The following TEX14 variants were observed in gnomAD, a reference collection of about 807,000 sequenced individuals.
TEX14 encodes the protein testis expressed 14, intercellular bridge forming factor, also known as inactive serine/threonine-protein kinase TEX14.
Under a neutral mutation model 178.6 loss-of-function variants are expected in TEX14, and 168 were observed. That is an observed-to-expected ratio of 0.94 (90% CI 0.83 to 1.07). The LOEUF is 1.07. Ranked by LOEUF, TEX14 falls within the 50% of genes least tolerant of loss-of-function variation. TEX14 has a pLI of 0.00. For missense variants in TEX14, 1,730 were observed against 1,753.6 expected, an observed-to-expected ratio of 0.99 and a Z score of 0.24; for synonymous variants, 626 against 634.1, an observed-to-expected ratio of 0.99 and a Z score of 0.19.
chr17:58,565,687 T>C, intron 27 of TEX14, 60 bp downstream of exon 27: 2 of 1,266,910 alleles, frequency 1.6e-6, no homozygotes, highest in Non-Finnish European at 1.1e-6. Context: ...TATGTACCAC[T>C]GTGTTGCCAA....
intron 19 of TEX14, among the ~76,000 whole-genome samples, chr17:58,584,051 G>A (rs2044890471): frequency 6.6e-6 from 1 of 152,228 alleles, no homozygotes; most frequent in Non-Finnish European, 1.5e-5. Context: ...CTGCTGAGGT[G>A]CAGTTGTCAG....
rs536669183 is a variant in TEX14 at position 58,659,275 on chromosome 17, C to T, written c.-1-7273G>A. The T allele has an allele frequency of 5.9e-5, 53 of 896,334 alleles. No individual in the cohort carries two copies. The Admixed American group carries it at 1.1e-3, about 19-fold the overall frequency. 55.5% of individuals were successfully genotyped at this position (896,334 alleles called of 1,614,324 possible). A position where few individuals can be genotyped will look rare whatever the true frequency, so the allele number is the denominator to read the frequency against. On this transcript the variant is annotated intron_variant, in intron 1 of 31. Coordinates refer to ENST00000349033, the MANE Select transcript of TEX14 (RefSeq NM_031272.5). ...CCCAAGAAAAACACTTTATCAGGAC[C>T]AACAGCGTCTCTCCCCCGCCACAAA...
At chr17:58,607,568 G>A (rs2045639623) in intron 10 of TEX14, among the ~76,000 whole-genome samples, 1 of 152,050 alleles carries the variant, frequency 6.6e-6, no homozygotes, top group Admixed American at 6.6e-5. Flanking sequence ...TTCACCCCTG[G>A]GTGCCTCAGT....
chr17:58,621,785 A>C lies in TEX14; in HGVS notation c.419T>G (p.Ile140Arg). 1 of 1,612,758 alleles carries C rather than the reference A, an allele frequency of 6.2e-7. No homozygotes were observed. Among genetic ancestry groups the C allele is most frequent in the Non-Finnish European group, 8.5e-7 (1 of 1,179,208 alleles). The change falls in exon 5 of 32, where the codon ATA becomes AGA. Residue 140 changes from isoleucine to arginine, a missense_variant and splice_region_variant. Ile to Arg is a moderately conservative substitution (Grantham distance 97). Around this residue, in one of 2 missense-constraint regions of TEX14, gnomAD observed 789 missense variants for 681.2 expected, o/e 1.16. Coordinates refer to ENST00000349033, the MANE Select transcript of TEX14 (RefSeq NM_031272.5). ...GGCACAGCGCTGCATGAACTCCACTATCTGCAAAACATCGCAGAGATGCCC... is the reference window on the plus strand; with the variant it reads ...GGCACAGCGCTGCATGAACTCCACTCTCTGCAAAACATCGCAGAGATGCCC... The part of the protein sequence containing the change: ...LTAGKERSTQ[I>R]VEFMQRCASH...
chr17:58,565,564 T>G (rs1335906704), intron 27 of TEX14, among the ~76,000 whole-genome samples, 183 bp downstream of exon 27: 2 of 152,216 alleles, frequency 1.3e-5, no homozygotes, highest in Non-Finnish European at 2.9e-5. Flanking sequence ...TGTCCCCATT[T>G]TACAGATTAA....
intron 2 of TEX14, among the ~76,000 whole-genome samples, chr17:58,637,856 C>CTTTT (rs58823773): frequency 7.4e-6 from 1 of 135,706 alleles, no homozygotes; most frequent in Non-Finnish European, 1.6e-5. Flanking sequence ...AACCTACTGC[C>CTTTT]TTTTTTTTTT....
intron 2 of TEX14, among the ~76,000 whole-genome samples, chr17:58,638,152 C>T (rs532802477): frequency 6.6e-5 from 10 of 151,558 alleles, no homozygotes; most frequent in South Asian, 2.1e-4. Flanking sequence ...TGAGCCACTG[C>T]GCCTGGCCTG....
chr17:58,625,542 A>G (rs969108221), intron 3 of TEX14, among the ~76,000 whole-genome samples: 2 of 152,228 alleles, frequency 1.3e-5, no homozygotes, highest in Admixed American at 6.5e-5. Flanking sequence ...GGAAAGGAAT[A>G]ATGATTTATA....
chr17:58,632,011 G>A (rs539370907), intron 2 of TEX14, among the ~76,000 whole-genome samples: 1 of 152,164 alleles, frequency 6.6e-6, no homozygotes, highest in African/African-American at 2.4e-5. Context: ...AAATTTCGAA[G>A]ATACTTTAGG....
chr17:58,617,580 T>C lies in TEX14; in HGVS notation c.594A>G (p.Gly198=). Reference sequence around the variant, plus strand: ...TGTAGATATTTTGAGCAGAAATGACTCCAGCTTTAAGCAGTCGGTTAGGAG... The same window carrying C: ...TGTAGATATTTTGAGCAGAAATGACCCCAGCTTTAAGCAGTCGGTTAGGAG... ...NGSPNRLLKA[G]VISAQNIYSF... Residue 198 remains glycine (G), a synonymous_variant, in exon 6 of 32, where the codon GGA becomes GGG. Transcript: ENST00000349033. 6.2e-7 allele frequency: 1 copy of C among 1,613,856 alleles called. No homozygotes were observed. The highest frequency in any genetic ancestry group is 1.1e-5 in the South Asian group (1 of 91,002).
intron 2 of TEX14, among the ~76,000 whole-genome samples, chr17:58,643,524 T>C (rs1350307257): frequency 1.3e-5 from 2 of 151,090 alleles, no homozygotes; most frequent in East Asian, 1.9e-4. Flanking sequence ...CTCCCATCTA[T>C]GGGAGGACTA....
chr17:58,627,106 C>T (rs1003587945), intron 3 of TEX14, among the ~76,000 whole-genome samples: 4 of 152,064 alleles, frequency 2.6e-5, no homozygotes, highest in Admixed American at 2.0e-4. Flanking sequence ...AAGTGTCCTT[C>T]CTGGACACTT....
At chr17:58,603,711 G>T (rs940389924) in intron 11 of TEX14, among the ~76,000 whole-genome samples, 14 of 151,654 alleles carry the variant, frequency 9.2e-5, no homozygotes, top group African/African-American at 3.4e-4. Context: ...AAAATTAGCC[G>T]GGCATGGTGG....
intron 23 of TEX14, 138 bp from the exon 24 acceptor site, chr17:58,572,264 A>G: frequency 1.7e-6 from 1 of 598,326 alleles, no homozygotes; most frequent in Non-Finnish European, 2.9e-6. Flanking sequence ...AAACAAACAA[A>G]CAAACAAACA....
At chr17:58,682,564 C>A (rs1032162316) in intron 1 of TEX14, among the ~76,000 whole-genome samples, 1 of 151,984 alleles carries the variant, frequency 6.6e-6, no homozygotes, top group Admixed American at 6.6e-5. Context: ...ACTCCTCCAA[C>A]CAGATTTCAA....
chr17:58,655,146 G>A lies in TEX14; in HGVS notation c.-1-3144C>T, dbSNP rs2046926341. ...TCCTGCCTCCGCTTCCTGGGTAGCTGGGATTACAGGCGCCTGCCACCACAT... is the reference window on the plus strand; with the variant it reads ...TCCTGCCTCCGCTTCCTGGGTAGCTAGGATTACAGGCGCCTGCCACCACAT... On this transcript the variant is annotated intron_variant, in intron 1 of 31. Transcript: ENST00000349033. Among the ~76,000 whole-genome samples the A allele has an allele frequency of 2.6e-5, 4 of 151,004 alleles. No homozygotes were observed. The South Asian group carries it at 6.3e-4, about 24-fold the overall frequency.
intron 2 of TEX14, among the ~76,000 whole-genome samples, chr17:58,642,705 G>A (rs2046603085): frequency 6.6e-6 from 1 of 151,872 alleles, no homozygotes; most frequent in Non-Finnish European, 1.5e-5. Flanking sequence ...TCATCCAAGG[G>A]TCCTATCTCT....
intron 14 of TEX14, among the ~76,000 whole-genome samples, chr17:58,596,415 G>C (rs964337305): frequency 1.8e-4 from 27 of 152,110 alleles, no homozygotes; most frequent in South Asian, 1.0e-3. Flanking sequence ...CCAAGTAGCT[G>C]GGACTACAGG....
intron 10 of TEX14, among the ~76,000 whole-genome samples, chr17:58,609,730 G>C (rs1330931452): frequency 6.6e-6 from 1 of 152,174 alleles, no homozygotes; most frequent in Non-Finnish European, 1.5e-5. Context: ...TCCAGGTCTG[G>C]GGAAGTGAGA....
Sources: gnomAD v4.1 joint callset for allele counts (sites outside exome capture counted in the v4.1 genomes callset) on GRCh38, gnomAD v4.1.1 for gene constraint, gnomAD v4.1.1 regional missense constraint, MANE v1.5 for transcripts, NCBI Gene and HGNC (gene_info 2026-07-23, HGNC 2026-07-21) for gene names.